The following PCDHA1 variants were observed in gnomAD, a reference collection of about 807,000 sequenced individuals.
The protein encoded by PCDHA1 is protocadherin alpha-1.
Under a neutral mutation model 61.3 loss-of-function variants are expected in PCDHA1, and 42 were observed. The observed-to-expected ratio is 0.69, with a 90% CI of 0.54 to 0.89. The LOEUF (loss-of-function observed/expected upper bound fraction) is 0.89. Ranked by LOEUF, PCDHA1 falls within the 40% of genes least tolerant of loss-of-function variation. The pLI, the probability that PCDHA1 is intolerant of heterozygous loss-of-function variation, is 0.00. For synonymous variants in PCDHA1, 610 were observed against 553.8 expected, an observed-to-expected ratio of 1.10 and a Z score of -1.43; for missense variants, 1,256 against 1,235.3, an observed-to-expected ratio of 1.02 and a Z score of -0.25.
chr5:140,966,409 G>C (rs1234170283), intron 1 of PCDHA1: 1 of 419,144 alleles, frequency 2.4e-6, no homozygotes, highest in African/African-American at 2.1e-5. Context: ...CGCGGAATCA[G>C]AGCAGGACTT....
At position 140,821,840 on chromosome 5, in the gene PCDHA1, A is replaced by G. The variant is rs140580277; in HGVS notation, c.2394+33156A>G. On this transcript the variant is annotated intron_variant, in intron 1 of 3. Transcript: ENST00000504120. ...CTGCTGCTCTGGCTTCTCCTTGCCT[A>G]CTGGAAGGCAGGGAGCGGCCAGCTC... The G allele has an allele frequency of 1.8e-3, 2,868 of 1,614,150 alleles. 95 individuals carry two copies. The Admixed American group carries it at 0.045, about 25-fold the overall frequency.
At chr5:140,909,360 T>C (rs2074454382) in intron 1 of PCDHA1, among the ~76,000 whole-genome samples, 1 of 152,222 alleles carries the variant, frequency 6.6e-6, no homozygotes, top group South Asian at 2.1e-4. Flanking sequence ...ATGTGTTAAT[T>C]TGTTCAAGCA....
intron 1 of PCDHA1, chr5:140,842,086 A>G: frequency 1.2e-6 from 2 of 1,613,926 alleles, no homozygotes; most frequent in Non-Finnish European, 1.7e-6. Flanking sequence ...TCGAAAACGC[A>G]GACAACGGAA....
Position 140,796,317 on chromosome 5 carries a change from C to A in PCDHA1, c.2394+7633C>A, listed in dbSNP as rs376199248. On this transcript the variant is annotated intron_variant, in intron 1 of 3. Coordinates refer to ENST00000504120, the MANE Select transcript of PCDHA1 (RefSeq NM_018900.4). ...TCGAGGTGGCCGACGTGAACGACAA[C>A]GCGCCGGCGTTCGCACAGCCTGAGT... 9.9e-6 allele frequency: 16 copies of A among 1,613,990 alleles called. No individual in the cohort carries two copies. Among genetic ancestry groups the A allele is most frequent in the Middle Eastern group, 1.6e-4 (1 of 6,080 alleles).
Position 140,829,519 on chromosome 5 carries a change from G to T in PCDHA1, c.2394+40835G>T, listed in dbSNP as rs140453889. 8.6e-4 allele frequency: 1,385 copies of T among 1,613,420 alleles called. 16 individuals carry two copies. The African/African-American group carries it at 0.017, about 19-fold the overall frequency. Reference sequence around the variant, plus strand: ...ACCCGCCGGGCTGCCACATCTTCACGGTGTCTGCGCGAGACGCGGACGCGC... The same window carrying T: ...ACCCGCCGGGCTGCCACATCTTCACTGTGTCTGCGCGAGACGCGGACGCGC... On this transcript the variant is annotated intron_variant, in intron 1 of 3. Transcript: ENST00000504120.
intron 3 of PCDHA1, among the ~76,000 whole-genome samples, chr5:141,000,421 ATTTT>A (rs34755515): frequency 0.018 from 509 of 27,798 alleles, 2 homozygotes; most frequent in African/African-American, 0.027. Context: ...ATATATATAT[ATTTT>A]TTTTTTTTTT....
At chr5:140,837,219 T>A (rs935838463) in intron 1 of PCDHA1, 1 of 152,352 alleles carries the variant, frequency 6.6e-6, no homozygotes, top group African/African-American at 2.4e-5. Context: ...ACTTGAATTT[T>A]AAGCATTTCT....
intron 1 of PCDHA1, among the ~76,000 whole-genome samples, chr5:140,976,876 G>A (rs1166300025): frequency 6.6e-6 from 1 of 152,160 alleles, no homozygotes; most frequent in Non-Finnish European, 1.5e-5. Flanking sequence ...GACAAAGAAA[G>A]AATTAGGATA....
At chr5:140,967,136 C>CTT (rs1401459371) in intron 1 of PCDHA1, 1 of 1,611,568 alleles carries the variant, frequency 6.2e-7, no homozygotes, top group African/African-American at 1.3e-5. Context: ...CTTGGAAGTG[C>CTT]TGGCGCACAA....
intron 1 of PCDHA1, chr5:140,802,350 G>A (rs1175732642): frequency 1.9e-6 from 3 of 1,614,250 alleles, no homozygotes; most frequent in Non-Finnish European, 2.5e-6. Context: ...CAATGGACAG[G>A]TCACCTGCTC....
chr5:140,822,864 A>G, intron 1 of PCDHA1: 1 of 1,614,160 alleles, frequency 6.2e-7, no homozygotes, highest in Non-Finnish European at 8.5e-7. Flanking sequence ...AGGACGCTCC[A>G]CTCAGCACGG....
intron 1 of PCDHA1, among the ~76,000 whole-genome samples, chr5:140,896,222 A>G (rs1554186870): frequency 6.6e-6 from 1 of 152,222 alleles, no homozygotes; most frequent in Non-Finnish European, 1.5e-5. Context: ...ATGTGTCTTT[A>G]TAGTAGAATG....
intron 1 of PCDHA1, among the ~76,000 whole-genome samples, chr5:140,973,337 G>T (rs2096582330): frequency 6.6e-6 from 1 of 152,162 alleles, no homozygotes; most frequent in African/African-American, 2.4e-5. Flanking sequence ...TCGTTGTAAA[G>T]TGACATAGTA....
Position 140,841,349 on chromosome 5 carries a change from G to A in PCDHA1, c.2394+52665G>A, listed in dbSNP as rs2150314039. The A allele has an allele frequency of 5.3e-5, 86 of 1,612,662 alleles. 1 individual carries two copies. In the East Asian group the frequency reaches 1.9e-3, roughly 36 times the overall value. On this transcript the variant is annotated intron_variant, in intron 1 of 3. Coordinates refer to ENST00000504120, the MANE Select transcript of PCDHA1 (RefSeq NM_018900.4). ...GGATTATCACTGGCGAGGAGAGCTG[G>A]GATCCTGGCGACTACTACTCTTGCT...
At position 140,796,160 on chromosome 5, in the gene PCDHA1, C is replaced by T. The variant is rs782030377; in HGVS notation, c.2394+7476C>T. On this transcript the variant is annotated intron_variant, in intron 1 of 3. Transcript: ENST00000504120. ...CCCCACGTCCCTTTCAAGCTGGTGT[C>T]CACCTTCAAGAATTACTACTCGTTG... 16 of 1,614,094 alleles carry T rather than the reference C, an allele frequency of 9.9e-6. No homozygotes were observed. In the South Asian group the frequency reaches 1.8e-4, roughly 18 times the overall value.
At chr5:140,967,214 C>T (rs2096114688) in intron 1 of PCDHA1, 10 of 1,613,692 alleles carry the variant, frequency 6.2e-6, no homozygotes, top group Non-Finnish European at 8.5e-6. Context: ...GCGTTTCCCG[C>T]GGCCCAACTA....
intron 1 of PCDHA1, chr5:140,968,553 G>A (rs782583876): frequency 4.3e-6 from 7 of 1,614,132 alleles, no homozygotes; most frequent in South Asian, 2.2e-5. Context: ...ATGGTGCCTC[G>A]AACTGCCCCT....
chr5:140,949,313 A>G (rs989940621), intron 1 of PCDHA1, among the ~76,000 whole-genome samples: 1 of 151,952 alleles, frequency 6.6e-6, no homozygotes, highest in Non-Finnish European at 1.5e-5. Context: ...GTAATGATTT[A>G]TAAATATAAA....
chr5:140,828,611 T>A (rs2150157344), intron 1 of PCDHA1: 1 of 1,614,202 alleles, frequency 6.2e-7, no homozygotes, highest in Non-Finnish European at 8.5e-7. Flanking sequence ...TAAACTCAGT[T>A]CTAGCGAATA....
Sources: gnomAD v4.1 joint callset for allele counts (sites outside exome capture counted in the v4.1 genomes callset) on GRCh38, gnomAD v4.1.1 for gene constraint, MANE v1.5 for transcripts, NCBI Gene and HGNC (gene_info 2026-07-23, HGNC 2026-07-21) for gene names.